Variants in SPAG16 observed in about 807,000 individuals in gnomAD.
SPAG16 encodes the protein sperm-associated antigen 16 protein.
In SPAG16, 86 loss-of-function variants were observed where a neutral mutation model predicts 80.4. The observed-to-expected ratio is 1.07, with a 90% CI of 0.90 to 1.28. The LOEUF is 1.28. Ranked by LOEUF, SPAG16 falls within the 50% of genes most tolerant of loss-of-function variation. SPAG16 has a pLI of 0.00. For missense variants in SPAG16, 870 were observed against 765.3 expected, an observed-to-expected ratio of 1.14 and a Z score of -1.61; for synonymous variants, 294 against 265.9, an observed-to-expected ratio of 1.11 and a Z score of -1.03.
intron 10 of SPAG16, among the ~76,000 whole-genome samples, chr2:213,711,819 C>G (rs1020749784): frequency 2.0e-5 from 3 of 152,086 alleles, no homozygotes; most frequent in African/African-American, 7.2e-5. Flanking sequence ...CACGCCCGAC[C>G]CGTTCTTACA....
intron 9 of SPAG16, among the ~76,000 whole-genome samples, chr2:213,392,235 G>A (rs1173971666): frequency 6.6e-6 from 1 of 152,164 alleles, no homozygotes; most frequent in Non-Finnish European, 1.5e-5. Flanking sequence ...ATCCACTTAA[G>A]TGCTGATACT....
At chr2:213,876,058 T>G (rs1040447075) in intron 11 of SPAG16, among the ~76,000 whole-genome samples, 1 of 151,884 alleles carries the variant, frequency 6.6e-6, no homozygotes, top group African/African-American at 2.4e-5. Flanking sequence ...ATGAAGAAAA[T>G]AAGAAAATAC....
intron 15 of SPAG16, among the ~76,000 whole-genome samples, chr2:214,351,719 CA>C (rs56113142): frequency 6.7e-6 from 1 of 148,634 alleles, no homozygotes; most frequent in African/African-American, 2.4e-5. Flanking sequence ...AACAAACAAA[CA>C]AAAAAAACAA....
At chr2:213,618,708 GTTTTT>G (rs144453191) in intron 10 of SPAG16, among the ~76,000 whole-genome samples, 1 of 140,114 alleles carries the variant, frequency 7.1e-6, no homozygotes, top group South Asian at 2.2e-4. Flanking sequence ...GAGGATTTCT[GTTTTT>G]TTTTTTTCTT....
chr2:213,817,304 TA>T, intron 10 of SPAG16, among the ~76,000 whole-genome samples: 1 of 148,702 alleles, frequency 6.7e-6, no homozygotes, highest in East Asian at 2.0e-4. Flanking sequence ...ATTAAAAAGT[TA>T]AAAAACAGCA....
At chr2:213,503,131 A>G (rs992110181) in intron 10 of SPAG16, among the ~76,000 whole-genome samples, 5 of 152,212 alleles carry the variant, frequency 3.3e-5, no homozygotes, top group Non-Finnish European at 7.3e-5. Flanking sequence ...GACTTTTGGA[A>G]GTCCACAAAA....
chr2:213,577,456 A>T (rs1042840095), intron 10 of SPAG16, among the ~76,000 whole-genome samples: 1 of 151,966 alleles, frequency 6.6e-6, no homozygotes, highest in Non-Finnish European at 1.5e-5. Flanking sequence ...ATATTTTTCC[A>T]GTCCCGTTTC....
intron 3 of SPAG16, chr2:213,302,439 T>C (rs2062774727): frequency 1.3e-5 from 2 of 152,256 alleles, no homozygotes; most frequent in East Asian, 1.9e-4. Flanking sequence ...TTCTGTATTA[T>C]AATGTTTTGT....
At chr2:213,747,165 A>C (rs2067864081) in intron 10 of SPAG16, among the ~76,000 whole-genome samples, 1 of 152,236 alleles carries the variant, frequency 6.6e-6, no homozygotes, top group Non-Finnish European at 1.5e-5. Context: ...TTAACAAAAA[A>C]GTTCAAGCAG....
intron 13 of SPAG16, among the ~76,000 whole-genome samples, chr2:214,028,727 A>G (rs1263431977): frequency 2.0e-5 from 3 of 151,992 alleles, no homozygotes; most frequent in South Asian, 2.1e-4. Context: ...ACTATTTACT[A>G]TAGTATCTGT....
chr2:214,285,010 T>C (rs910730175), intron 15 of SPAG16, among the ~76,000 whole-genome samples: 1 of 152,320 alleles, frequency 6.6e-6, no homozygotes. Context: ...GATTGTTGGC[T>C]CTATTATAGA....
intron 15 of SPAG16, among the ~76,000 whole-genome samples, chr2:214,294,918 C>A (rs1371440524): frequency 1.3e-5 from 2 of 152,170 alleles, no homozygotes; most frequent in East Asian, 3.9e-4. Context: ...TGTTCTAATA[C>A]ACACTTGATT....
At chr2:214,165,078 T>A (rs933835028) in intron 15 of SPAG16, among the ~76,000 whole-genome samples, 10 of 152,184 alleles carry the variant, frequency 6.6e-5, no homozygotes, top group Non-Finnish European at 1.0e-4. Flanking sequence ...GACATTTTGA[T>A]GTTGATAACA....
intron 15 of SPAG16, among the ~76,000 whole-genome samples, chr2:214,170,825 C>T (rs2056845863): frequency 6.6e-6 from 1 of 152,016 alleles, no homozygotes; most frequent in Non-Finnish European, 1.5e-5. Flanking sequence ...CTACCTGTGC[C>T]AACTCTAACA....
At chr2:213,926,345 A>T (rs548882879) in intron 11 of SPAG16, among the ~76,000 whole-genome samples, 1 of 152,070 alleles carries the variant, frequency 6.6e-6, no homozygotes, top group African/African-American at 2.4e-5. Context: ...TCACCCAAGC[A>T]GTATGCACTT....
chr2:214,285,240 C>A (rs1386509249), intron 15 of SPAG16, among the ~76,000 whole-genome samples: 3 of 152,130 alleles, frequency 2.0e-5, no homozygotes, highest in Admixed American at 2.0e-4. Context: ...AGCACCTTTT[C>A]ATCTACCTGT....
At chr2:213,696,826 C>A (rs1051529027) in intron 10 of SPAG16, among the ~76,000 whole-genome samples, 4 of 152,036 alleles carry the variant, frequency 2.6e-5, no homozygotes, top group African/African-American at 9.7e-5. Context: ...GAGACAGAGA[C>A]AACAGACAAC....
chr2:214,390,331 CTT>C (rs5838433), intron 15 of SPAG16, among the ~76,000 whole-genome samples: 36 of 112,600 alleles, frequency 3.2e-4, no homozygotes, highest in African/African-American at 8.9e-4. Flanking sequence ...AATGGGTATG[CTT>C]TTTTTTTTAA....
chr2:213,744,785 T>G (rs1457380667), intron 10 of SPAG16, among the ~76,000 whole-genome samples: 1 of 152,204 alleles, frequency 6.6e-6, no homozygotes, highest in Non-Finnish European at 1.5e-5. Flanking sequence ...ATACATAGTT[T>G]GGCATATGGT....
Sources: allele counts gnomAD v4.1 joint callset (sites outside exome capture counted in the v4.1 genomes callset), GRCh38; gene constraint gnomAD v4.1.1; transcripts MANE v1.5; gene names NCBI Gene and HGNC (gene_info 2026-07-23, HGNC 2026-07-21).